The following DPY30 variants were observed in gnomAD, a reference collection of about 807,000 sequenced individuals.
DPY30 encodes protein dpy-30 homolog.
DPY30 carries 6 observed loss-of-function variants against 16.2 expected under a neutral mutation model. That is an observed-to-expected ratio of 0.37 (90% CI 0.20 to 0.73). DPY30 has a LOEUF of 0.73. DPY30 is among the 30% of genes least tolerant of loss of function. The pLI is 0.51. For synonymous variants in DPY30, 39 were observed against 38.8 expected, an observed-to-expected ratio of 1.00 and a Z score of -0.02; for missense variants, 73 against 113.1, an observed-to-expected ratio of 0.65 and a Z score of 1.61.
intron 4 of DPY30, among the ~76,000 whole-genome samples, chr2:32,025,364 G>C (rs951211364): frequency 6.6e-6 from 1 of 152,132 alleles, no homozygotes; most frequent in Non-Finnish European, 1.5e-5. Context: ...TCAGAAAGCT[G>C]AGGCAGAAGA....
chr2:32,025,371 A>G (rs34321580), intron 4 of DPY30, among the ~76,000 whole-genome samples: 24,141 of 152,006 alleles, frequency 0.16, 2,225 homozygotes, highest in Middle Eastern at 0.27. Flanking sequence ...GCTGAGGCAG[A>G]AGAATCACTT....
At chr2:32,013,227 C>T (rs913817854) in intron 5 of DPY30, 6 of 152,174 alleles carry the variant, frequency 3.9e-5, no homozygotes, top group African/African-American at 1.4e-4. Flanking sequence ...TTATTATTAT[C>T]CTCTACTCCT....
At chr2:32,037,040 A>G (rs1460115776) in intron 3 of DPY30, among the ~76,000 whole-genome samples, 1 of 152,230 alleles carries the variant, frequency 6.6e-6, no homozygotes, top group Non-Finnish European at 1.5e-5. Context: ...AAGACTGTGA[A>G]GCAAATCTAC....
Position 32,039,778 on chromosome 2 carries a change from A to G in DPY30, c.-82T>C. The stretch of plus-strand genomic sequence containing the variant: ...CTTAAGAGCCCTGCACCGCGCCACC[A>G]GCTCCCAGCACAAACAGCTCCGGCC... On this transcript the variant is annotated 5_prime_UTR_variant, in exon 1 of 5. Transcript: ENST00000342166. 1 of 424,122 alleles carries G rather than the reference A, an allele frequency of 2.4e-6. No individual in the cohort carries two copies. The highest frequency in any genetic ancestry group is 4.3e-6 in the Non-Finnish European group (1 of 232,424). 26.3% of individuals were successfully genotyped at this position (424,122 alleles called of 1,614,324 possible).
chr2:32,030,492 T>C (rs1356458199), intron 3 of DPY30, among the ~76,000 whole-genome samples: 1 of 151,406 alleles, frequency 6.6e-6, no homozygotes, highest in Non-Finnish European at 1.5e-5. Flanking sequence ...TCCCCGGGCG[T>C]GGTGGCAGGC....
At chr2:32,028,578 G>A (rs753219829) in intron 4 of DPY30, among the ~76,000 whole-genome samples, 4 of 151,994 alleles carry the variant, frequency 2.6e-5, no homozygotes, top group Non-Finnish European at 5.9e-5. Flanking sequence ...CGAGATGGGC[G>A]GATCACAAGG....
intron 3 of DPY30, among the ~76,000 whole-genome samples, chr2:32,035,627 T>C (rs114329055): frequency 0.013 from 1,894 of 146,920 alleles, 42 homozygotes; most frequent in African/African-American, 0.045. Flanking sequence ...ATTCTATAAG[T>C]TCACAATAGA....
At chr2:32,025,835 C>T (rs1199283267) in intron 4 of DPY30, among the ~76,000 whole-genome samples, 1 of 151,132 alleles carries the variant, frequency 6.6e-6, no homozygotes, top group Non-Finnish European at 1.5e-5. Flanking sequence ...GGGCCGGGCA[C>T]GGTGGCTCAC....
downstream of DPY30, chr2:32,023,842 T>C (rs548109319): frequency 7.6e-6 from 10 of 1,308,578 alleles, no homozygotes; most frequent in African/African-American, 1.5e-4. Flanking sequence ...AAAAGAGAAA[T>C]TCATAAAACA....
chr2:32,038,204 C>T (rs1036822178), intron 3 of DPY30, among the ~76,000 whole-genome samples: 1 of 140,584 alleles, frequency 7.1e-6, no homozygotes, highest in African/African-American at 2.7e-5. Context: ...GGCATGATCT[C>T]GGCTCACTGC....
intron 3 of DPY30, among the ~76,000 whole-genome samples, chr2:32,038,739 C>T (rs1265181995): frequency 7.1e-6 from 1 of 141,514 alleles, no homozygotes; most frequent in East Asian, 2.1e-4. Context: ...AACCTGTCTT[C>T]CAGATTCAAG....
intron 5 of DPY30, among the ~76,000 whole-genome samples, chr2:32,014,664 T>C (rs1181076373): frequency 6.6e-6 from 1 of 152,032 alleles, no homozygotes; most frequent in Non-Finnish European, 1.5e-5. Flanking sequence ...TTTGTATTTT[T>C]AGTAGAGATG....
chr2:32,022,012 C>G (rs1270386454), downstream of DPY30, among the ~76,000 whole-genome samples: 1 of 151,920 alleles, frequency 6.6e-6, no homozygotes, highest in Non-Finnish European at 1.5e-5. Flanking sequence ...GAATTCGAGA[C>G]CAGCCTGGCC....
chr2:32,013,390 T>A (rs1047905573), intron 5 of DPY30: 1 of 152,200 alleles, frequency 6.6e-6, no homozygotes, highest in East Asian at 1.9e-4. Flanking sequence ...AATTATGTTA[T>A]CTCTAGGATG....
intron 5 of DPY30, among the ~76,000 whole-genome samples, chr2:32,015,849 T>TA (rs751298889): frequency 0.017 from 2,060 of 119,702 alleles, 32 homozygotes; most frequent in African/African-American, 0.038. Context: ...AGACCCTGTC[T>TA]AAAAAAAAAA....
chr2:32,024,070 T>G lies in DPY30; in HGVS notation c.*114A>C. On this transcript the variant is annotated 3_prime_UTR_variant, in exon 5 of 5. Coordinates refer to ENST00000342166, the MANE Select transcript of DPY30 (RefSeq NM_001321209.2). ...CTGCAATTCCAGAAATAGGTTCTGT[T>G]GTCCGGAAGGTTCTTATACATCCAA... is the stretch of plus-strand genomic sequence containing the variant. 1.3e-6 allele frequency: 2 copies of G among 1,509,152 alleles called. No individual in the cohort carries two copies. Among genetic ancestry groups the G allele is most frequent in the Non-Finnish European group, 1.8e-6 (2 of 1,135,926 alleles). The allele number at this position is 1,509,152 out of a possible 1,614,324, so 93.5% of individuals were successfully genotyped here. A position where few individuals can be genotyped will look rare whatever the true frequency, so the allele number is the denominator to read the frequency against.
chr2:32,039,117 C>T (rs962302170), intron 3 of DPY30, among the ~76,000 whole-genome samples, 162 bp downstream of exon 3: 7 of 152,148 alleles, frequency 4.6e-5, no homozygotes, highest in African/African-American at 9.7e-5. Flanking sequence ...CACCAAGAAG[C>T]ATTAGTACTG....
intron 3 of DPY30, among the ~76,000 whole-genome samples, chr2:32,038,412 G>C (rs979647187): frequency 3.5e-4 from 36 of 102,206 alleles, no homozygotes; most frequent in Non-Finnish European, 5.6e-4. Flanking sequence ...TATTTTGAGG[G>C]GGGGGGGGGC....
chr2:32,015,018 C>A (rs1675037890), intron 5 of DPY30, among the ~76,000 whole-genome samples: 1 of 151,998 alleles, frequency 6.6e-6, no homozygotes, highest in African/African-American at 2.4e-5. Context: ...AAGGATTTAA[C>A]CTTTCCAATG....
Sources: allele counts gnomAD v4.1 joint callset (sites outside exome capture counted in the v4.1 genomes callset), GRCh38; gene constraint gnomAD v4.1.1; transcripts MANE v1.5; gene names NCBI Gene and HGNC (gene_info 2026-07-23, HGNC 2026-07-21).